Variants in EGR1 observed in about 807,000 individuals in gnomAD.
The protein encoded by EGR1 is early growth response 1.
EGR1 carries 8 observed loss-of-function variants against 30.2 expected under a neutral mutation model. That is an observed-to-expected ratio of 0.26 (90% CI 0.16 to 0.48). The LOEUF is 0.48. Among genes scored for constraint, EGR1 ranks in the 20% least tolerant of loss-of-function variants. The pLI is 0.99. For synonymous variants in EGR1, 334 were observed against 312.8 expected (o/e 1.07, Z -0.72); for missense variants, 568 against 732.3 (o/e 0.78, Z 2.59).
Position 138,465,786 on chromosome 5 carries a change from C to T in EGR1, c.25C>T (p.Gln9Ter), listed in dbSNP as rs766886557. ...GATGGCCGCGGCCAAGGCCGAGATG[C>T]AGCTGATGTCCCCGCTGCAGATCTC... MAAAKAEM[Q>*]LMSPLQISDP... The change falls in exon 1 of 2, where the codon CAG (glutamine) becomes TAG (stop). Residue 9 changes from glutamine (Q) to a stop codon, truncating the protein, a stop_gained. Coordinates refer to ENST00000239938, the MANE Select transcript of EGR1 (RefSeq NM_001964.3). LOFTEE classifies it high-confidence loss of function. 6.2e-7 allele frequency: 1 copy of T among 1,609,534 alleles called. No individual in the cohort carries two copies. The highest frequency in any genetic ancestry group is 1.7e-4 in the Middle Eastern group (1 of 6,042).
rs571997670 is a variant in EGR1 at position 138,467,788 on chromosome 5, G to GCTACCTCTTACCCGTCCCCGGTTA, written c.1350_1373dup (p.Val454_Pro461dup). 5 of 1,613,464 alleles carry GCTACCTCTTACCCGTCCCCGGTTA rather than the reference G, an allele frequency of 3.1e-6. No homozygotes were observed. Among genetic ancestry groups the GCTACCTCTTACCCGTCCCCGGTTA allele is most frequent in the Admixed American group, 3.3e-5 (2 of 59,952 alleles). Reference sequence around the variant, plus strand: ...TCTCTCTTCCTACCCGTCCCCGGTTGCTACCTCTTACCCGTCCCCGGTTAC... The same window carrying GCTACCTCTTACCCGTCCCCGGTTA: ...TCTCTCTTCCTACCCGTCCCCGGTTGCTACCTCTTACCCGTCCCCGGTTACTACCTCTTACCCGTCCCCGGTTAC... On this transcript the variant is annotated inframe_insertion, in exon 2 of 2. Transcript: ENST00000239938. This position sits in a 1 kb window ranked among gnomAD's most constrained non-coding sequence, Gnocchi z 8.3.
Position 138,467,145 on chromosome 5 carries a change from G to C in EGR1, c.696G>C (p.Ala232=). ...CCTTCCCGGGCTCGGCAGGGACAGC[G>C]CTCCAGTACCCGCCTCCTGCCTACC... ...SQAFPGSAGT[A]LQYPPPAYPA... is the part of the protein sequence containing the mutation. The change falls in exon 2 of 2, where the codon GCG becomes GCC. Residue 232 remains alanine (A), a synonymous_variant. Transcript: ENST00000239938. This position sits in a 1 kb window ranked among gnomAD's most constrained non-coding sequence, Gnocchi z 8.3. The C allele has an allele frequency of 1.2e-6, 2 of 1,613,198 alleles. No individual in the cohort carries two copies. The highest frequency in any genetic ancestry group is 1.7e-6 in the Non-Finnish European group (2 of 1,179,968).
chr5:138,465,854 C>T lies in EGR1; in HGVS notation c.93C>T (p.Asn31=). The part of the protein sequence containing the change: ...GSFPHSPTMD[N]YPKLEEMMLL... ...TTCCTCACTCGCCCACCATGGACAA[C>T]TACCCTAAGCTGGAGGAGATGATGC... Residue 31 remains asparagine, a synonymous_variant, in exon 1 of 2, where the codon AAC becomes AAT. Transcript: ENST00000239938. 6.2e-7 allele frequency: 1 copy of T among 1,613,982 alleles called. No homozygotes were observed.
chr5:138,466,458 C>A (rs1467507015), intron 1 of EGR1, among the ~76,000 whole-genome samples: 3 of 152,234 alleles, frequency 2.0e-5, no homozygotes, highest in Non-Finnish European at 4.4e-5. Flanking sequence ...GGTTTGGGGG[C>A]GCGCACTAGC....
At position 138,467,303 on chromosome 5, in the gene EGR1, C is replaced by T. The variant is rs1167309548; in HGVS notation, c.854C>T (p.Ser285Leu). 1 of 1,614,128 alleles carries T rather than the reference C, an allele frequency of 6.2e-7. No individual in the cohort carries two copies. The highest frequency in any genetic ancestry group is 8.5e-7 in the Non-Finnish European group (1 of 1,180,030). Residue 285 changes from serine to leucine, a missense_variant, in exon 2 of 2, where the codon TCG becomes TTG. Physicochemically the swap from Ser to Leu is moderately radical, Grantham distance 145. Around this residue, in one of 4 missense-constraint regions of EGR1, gnomAD observed 415 missense variants for 445.2 expected, o/e 0.93. Coordinates refer to ENST00000239938, the MANE Select transcript of EGR1 (RefSeq NM_001964.3). The surrounding 1 kb of genome is among the most constrained non-coding windows in gnomAD (Gnocchi z 8.3). ...QGLESRTQQP[S>L]LTPLSTIKAF... ...CTGGAGAGCCGCACCCAGCAGCCTT[C>T]GCTAACCCCTCTGTCTACTATTAAG...
rs767798551 is a variant in EGR1, at chr5:138,467,156, C to G, written c.707C>G (p.Pro236Arg). 2 of 1,613,026 alleles carry G rather than the reference C, an allele frequency of 1.2e-6. No homozygotes were observed. The highest frequency in any genetic ancestry group is 1.1e-5 in the South Asian group (1 of 91,088). ...PGSAGTALQY[P>R]PPAYPAAKGG... ...TCGGCAGGGACAGCGCTCCAGTACC[C>G]GCCTCCTGCCTACCCTGCCGCCAAG... Residue 236 changes from proline to arginine, a missense_variant, in exon 2 of 2, where the codon CCG becomes CGG. Pro to Arg is a moderately radical substitution (Grantham distance 103). Coordinates refer to ENST00000239938, the MANE Select transcript of EGR1 (RefSeq NM_001964.3). The surrounding 1 kb of genome is among the most constrained non-coding windows in gnomAD (Gnocchi z 8.3).
chr5:138,467,761 T>G lies in EGR1; in HGVS notation c.1312T>G (p.Ser438Ala). The change falls in exon 2 of 2, where the codon TCT becomes GCT. Residue 438 changes from serine to alanine, a missense_variant. Coordinates refer to ENST00000239938, the MANE Select transcript of EGR1 (RefSeq NM_001964.3). The surrounding 1 kb of genome is among the most constrained non-coding windows in gnomAD (Gnocchi z 8.3). ...KSVVASSATS[S>A]LSSYPSPVAT... is the part of the protein sequence containing the mutation. ...TGTTGTGGCCTCTTCGGCCACCTCC[T>G]CTCTCTCTTCCTACCCGTCCCCGGT... The G allele has an allele frequency of 6.2e-7, 1 of 1,613,894 alleles. No homozygotes were observed. The highest frequency in any genetic ancestry group is 1.1e-5 in the South Asian group (1 of 91,066).
rs558985780 is a variant in EGR1 at position 138,465,991 on chromosome 5, G to C, written c.230G>C (p.Ser77Thr). 6.2e-7 allele frequency: 1 copy of C among 1,609,322 alleles called. No individual in the cohort carries two copies. Among genetic ancestry groups the C allele is most frequent in the African/African-American group, 1.3e-5 (1 of 74,908 alleles). The change falls in exon 1 of 2, where the codon AGC becomes ACC. Residue 77 changes from serine to threonine, a missense_variant. Coordinates refer to ENST00000239938, the MANE Select transcript of EGR1 (RefSeq NM_001964.3). The part of the protein sequence containing the change: ...SGGGGGGGGG[S>T]NSSSSSSTFN... ...GGCGGTGGAGGCGGCGGGGGCGGCA[G>C]CAACAGCAGCAGCAGCAGCAGCACC...
In EGR1 at chr5:138,465,692, TC is replaced by T; in HGVS notation, c.-66del. The T allele has an allele frequency of 6.9e-7, 1 of 1,440,730 alleles. No homozygotes were observed. Among genetic ancestry groups the T allele is most frequent in the Admixed American group, 2.6e-5 (1 of 38,244 alleles). The allele number at this position is 1,440,730 out of a possible 1,614,324, so 89.2% of individuals were successfully genotyped here. ...ACCCGGCCAGGCCCCCGCAACTGTG[TC>T]CCCTGCAGCTCCAGCCCCGGGCTGC... On this transcript the variant is annotated 5_prime_UTR_variant, in exon 1 of 2. Transcript: ENST00000239938.
At position 138,467,144 on chromosome 5, in the gene EGR1, C is replaced by A; in HGVS notation, c.695C>A (p.Ala232Glu). Residue 232 changes from alanine (A) to glutamate (E), a missense_variant, in exon 2 of 2, where the codon GCG becomes GAG. Ala to Glu is a moderately radical substitution (Grantham distance 107). Coordinates refer to ENST00000239938, the MANE Select transcript of EGR1 (RefSeq NM_001964.3). The surrounding 1 kb of genome is among the most constrained non-coding windows in gnomAD (Gnocchi z 8.3). ...SQAFPGSAGTALQYPPPAYPA... is the reference protein window; with the variant it reads ...SQAFPGSAGTELQYPPPAYPA... ...GCCTTCCCGGGCTCGGCAGGGACAG[C>A]GCTCCAGTACCCGCCTCCTGCCTAC... 1 of 1,613,184 alleles carries A rather than the reference C, an allele frequency of 6.2e-7. No individual in the cohort carries two copies. The highest frequency in any genetic ancestry group is 8.5e-7 in the Non-Finnish European group (1 of 1,179,976).
chr5:138,467,403 C>G lies in EGR1; in HGVS notation c.954C>G (p.Pro318=), dbSNP rs748830124. ...NTSYQSQLIK[P]SRMRKYPNRP... is the part of the protein sequence containing the mutation. ...GCTACCAGTCCCAGCTCATCAAACC[C>G]AGCCGCATGCGCAAGTACCCCAACC... Residue 318 remains proline (P), a synonymous_variant, in exon 2 of 2, where the codon CCC becomes CCG. Coordinates refer to ENST00000239938, the MANE Select transcript of EGR1 (RefSeq NM_001964.3). The surrounding 1 kb of genome is among the most constrained non-coding windows in gnomAD (Gnocchi z 8.3). 4.3e-6 allele frequency: 7 copies of G among 1,614,114 alleles called. No homozygotes were observed. Among genetic ancestry groups the G allele is most frequent in the Non-Finnish European group, 5.9e-6 (7 of 1,180,048 alleles).
chr5:138,465,800 G>C lies in EGR1; in HGVS notation c.39G>C (p.Pro13=). The C allele has an allele frequency of 6.2e-7, 1 of 1,612,450 alleles. No individual in the cohort carries two copies. Among genetic ancestry groups the C allele is most frequent in the Non-Finnish European group, 8.5e-7 (1 of 1,179,032 alleles). ...AGGCCGAGATGCAGCTGATGTCCCC[G>C]CTGCAGATCTCTGACCCGTTCGGAT... ...AAKAEMQLMS[P]LQISDPFGSF... The change falls in exon 1 of 2, where the codon CCG becomes CCC. Residue 13 remains proline, a synonymous_variant. Transcript: ENST00000239938.
rs771405954 is a variant in EGR1, at chr5:138,467,526, C to T, written c.1077C>T (p.Ile359=). The change falls in exon 2 of 2, where the codon ATC becomes ATT. Residue 359 remains isoleucine (I), a synonymous_variant. Transcript: ENST00000239938. This position sits in a 1 kb window ranked among gnomAD's most constrained non-coding sequence, Gnocchi z 8.3. ...FSRSDELTRH[I]RIHTGQKPFQ... is the part of the protein sequence containing the mutation. The stretch of plus-strand genomic sequence containing the variant: ...GCTCCGACGAGCTCACCCGCCACAT[C>T]CGCATCCACACAGGCCAGAAGCCCT... 3.1e-6 allele frequency: 5 copies of T among 1,613,620 alleles called. No homozygotes were observed. Among genetic ancestry groups the T allele is most frequent in the Non-Finnish European group, 4.2e-6 (5 of 1,180,040 alleles).
In EGR1 at chr5:138,467,880, C is replaced by A; in HGVS notation, c.1431C>A (p.Pro477=). ...PSPVPTSFSS[P]GSSTYPSPVH... ...CTGTGCCCACCTCCTTCTCCTCTCCCGGCTCCTCGACCTACCCATCCCCTG... is the reference window on the plus strand; with the variant it reads ...CTGTGCCCACCTCCTTCTCCTCTCCAGGCTCCTCGACCTACCCATCCCCTG... The change falls in exon 2 of 2, where the codon CCC becomes CCA. Residue 477 remains proline (P), a synonymous_variant. Transcript: ENST00000239938. This position sits in a 1 kb window ranked among gnomAD's most constrained non-coding sequence, Gnocchi z 8.3. 3.1e-6 allele frequency: 5 copies of A among 1,613,756 alleles called. No homozygotes were observed. Among genetic ancestry groups the A allele is most frequent in the Non-Finnish European group, 4.2e-6 (5 of 1,179,818 alleles).
chr5:138,466,051 A>C lies in EGR1; in HGVS notation c.290A>C (p.Tyr97Ser), dbSNP rs1394377857. The C allele has an allele frequency of 6.3e-7, 1 of 1,587,768 alleles. No homozygotes were observed. The highest frequency in any genetic ancestry group is 8.6e-7 in the Non-Finnish European group (1 of 1,168,490). ...NPQADTGEQP[Y>S]EHLTAESFPD... The stretch of plus-strand genomic sequence containing the variant: ...CAGGCGGACACGGGCGAGCAGCCCT[A>C]CGAGCACCTGACCGCAGGTAAGCAG... The change falls in exon 1 of 2, where the codon TAC becomes TCC. Residue 97 changes from tyrosine (Y) to serine (S), a missense_variant. Tyr to Ser is a moderately radical substitution (Grantham distance 144). Coordinates refer to ENST00000239938, the MANE Select transcript of EGR1 (RefSeq NM_001964.3).
At position 138,467,329 on chromosome 5, in the gene EGR1, G is replaced by A; in HGVS notation, c.880G>A (p.Ala294Thr). 6.2e-7 allele frequency: 1 copy of A among 1,614,048 alleles called. No individual in the cohort carries two copies. Among genetic ancestry groups the A allele is most frequent in the African/African-American group, 1.3e-5 (1 of 74,970 alleles). Reference sequence around the variant, plus strand: ...GCTAACCCCTCTGTCTACTATTAAGGCCTTTGCCACTCAGTCGGGCTCCCA... The same window carrying A: ...GCTAACCCCTCTGTCTACTATTAAGACCTTTGCCACTCAGTCGGGCTCCCA... ...PSLTPLSTIKAFATQSGSQDL... is the reference protein window; with the variant it reads ...PSLTPLSTIKTFATQSGSQDL... The change falls in exon 2 of 2, where the codon GCC (alanine) becomes ACC (threonine). Residue 294 changes from alanine to threonine, a missense_variant. Around this residue, in one of 4 missense-constraint regions of EGR1, gnomAD observed 415 missense variants for 445.2 expected, o/e 0.93. Transcript: ENST00000239938. This position sits in a 1 kb window ranked among gnomAD's most constrained non-coding sequence, Gnocchi z 8.3.
Position 138,465,516 on chromosome 5 carries a change from CG to C in EGR1, c.-245del, listed in dbSNP as rs897200749. The C allele has an allele frequency of 1.2e-5, 3 of 260,124 alleles. No homozygotes were observed. Among genetic ancestry groups the C allele is most frequent in the African/African-American group, 6.8e-5 (3 of 44,212 alleles). 16.1% of individuals were successfully genotyped at this position (260,124 alleles called of 1,614,324 possible). On this transcript the variant is annotated 5_prime_UTR_variant, in exon 1 of 2. Coordinates refer to ENST00000239938, the MANE Select transcript of EGR1 (RefSeq NM_001964.3). ...CGCGCAGAACTTGGGGAGCCGCCGC[CG>C]CCATCCGCCGCCGCAGCCAGCTTCC...
chr5:138,465,644 G>C lies in EGR1; in HGVS notation c.-118G>C. 2 of 1,228,344 alleles carry C rather than the reference G, an allele frequency of 1.6e-6. No homozygotes were observed. The highest frequency in any genetic ancestry group is 2.1e-6 in the Non-Finnish European group (2 of 931,430). The allele number at this position is 1,228,344 out of a possible 1,614,324, so 76.1% of individuals were successfully genotyped here. A position where few individuals can be genotyped will look rare whatever the true frequency, so the allele number is the denominator to read the frequency against. ...GGGGTCGCCGCCTGCACGCTTCTCA[G>C]TGTTCCCCGCGCCCCGCATGTAACC... On this transcript the variant is annotated 5_prime_UTR_variant, in exon 1 of 2. Transcript: ENST00000239938.
In EGR1 at chr5:138,468,911, C is replaced by G. The variant is rs1764194885; in HGVS notation, c.*830C>G. 6.6e-6 allele frequency: 1 copy of G among 151,522 alleles called. No individual in the cohort carries two copies. The allele number at this position is 151,522 out of a possible 1,614,324, so 9.4% of individuals were successfully genotyped here. On this transcript the variant is annotated 3_prime_UTR_variant, in exon 2 of 2. Transcript: ENST00000239938. ...CATGTGCAATTGTGAGGGACATGCT[C>G]ACCTCTAGCCTTAAGGGGGGCAGGG...
Sources: gnomAD v4.1 joint callset for allele counts (sites outside exome capture counted in the v4.1 genomes callset) on GRCh38, gnomAD v4.1.1 for gene constraint, gnomAD v4.1.1 regional missense constraint, Gnocchi (gnomAD v3.1) non-coding constraint, MANE v1.5 for transcripts, NCBI Gene and HGNC (gene_info 2026-07-23, HGNC 2026-07-21) for gene names.